The following ADAMTS2 variants were observed in gnomAD, a reference collection of about 807,000 sequenced individuals.
The protein encoded by ADAMTS2 is A disintegrin and metalloproteinase with thrombospondin motifs 2.
A neutral mutation model predicts 123.0 loss-of-function variants in ADAMTS2; 50 were observed. The observed-to-expected ratio is 0.41, with a 90% CI of 0.32 to 0.51. The LOEUF (loss-of-function observed/expected upper bound fraction) is 0.51, where lower values mean the gene tolerates loss of function less well. Among genes scored for constraint, ADAMTS2 ranks in the 20% least tolerant of loss-of-function variants. ADAMTS2 has a pLI of 0.35. For missense variants in ADAMTS2, 1,494 were observed against 1,705.2 expected (o/e 0.88, Z 2.18); for synonymous variants, 678 against 695.4 (o/e 0.98, Z 0.39).
chr5:179,322,047 G>A (rs1268516703), intron 2 of ADAMTS2, among the ~76,000 whole-genome samples: 1 of 152,244 alleles, frequency 6.6e-6, no homozygotes, highest in East Asian at 1.9e-4. Context: ...TTGTCATTAA[G>A]TATGTTTACA....
At chr5:179,235,606 A>C (rs1765505556) in intron 3 of ADAMTS2, among the ~76,000 whole-genome samples, 1 of 152,200 alleles carries the variant, frequency 6.6e-6, no homozygotes, top group Non-Finnish European at 1.5e-5. Context: ...ACCTAGTCCC[A>C]AGCATCTGAG....
intron 2 of ADAMTS2, among the ~76,000 whole-genome samples, chr5:179,298,095 G>A (rs1002507910): frequency 3.3e-5 from 5 of 152,074 alleles, no homozygotes; most frequent in African/African-American, 9.7e-5. Context: ...GGGTCCCCTC[G>A]TGCCACAGTG....
chr5:179,171,698 G>A (rs1763817209), intron 5 of ADAMTS2, among the ~76,000 whole-genome samples: 1 of 152,178 alleles, frequency 6.6e-6, no homozygotes, highest in Non-Finnish European at 1.5e-5. Context: ...GGCGGGGTAG[G>A]GCCAGGCAGA....
intron 21 of ADAMTS2, chr5:179,120,826 G>A (rs988612095): frequency 3.3e-5 from 5 of 152,150 alleles, no homozygotes; most frequent in Admixed American, 3.3e-4. Flanking sequence ...TGAACGCACC[G>A]GCTCCCCTAC....
chr5:179,273,214 G>C (rs1766595839), intron 2 of ADAMTS2, 150 bp from the exon 3 acceptor site: 1 of 1,286,278 alleles, frequency 7.8e-7, no homozygotes, highest in Admixed American at 1.8e-5. Flanking sequence ...GGGCTGGCCG[G>C]AGGGTATGAA....
At chr5:179,333,839 A>T (rs1023328529) in intron 2 of ADAMTS2, among the ~76,000 whole-genome samples, 3 of 152,002 alleles carry the variant, frequency 2.0e-5, no homozygotes, top group African/African-American at 7.3e-5. Context: ...ACCTCAAGTG[A>T]TCTGCCCGCC....
At chr5:179,123,006 A>G (rs1236951671) in intron 19 of ADAMTS2, among the ~76,000 whole-genome samples, 1 of 152,248 alleles carries the variant, frequency 6.6e-6, no homozygotes, top group Non-Finnish European at 1.5e-5. Context: ...GCTGTGAGAC[A>G]GTGCCCATAT....
chr5:179,210,545 C>T (rs1280362098), intron 3 of ADAMTS2, among the ~76,000 whole-genome samples: 1 of 152,262 alleles, frequency 6.6e-6, no homozygotes, highest in Non-Finnish European at 1.5e-5. Context: ...CACCCAGGAC[C>T]AGTGCCTAGA....
At chr5:179,325,665 C>T (rs1313038476) in intron 2 of ADAMTS2, among the ~76,000 whole-genome samples, 2 of 152,282 alleles carry the variant, frequency 1.3e-5, no homozygotes, top group African/African-American at 2.4e-5. Context: ...CTCGGGGAAC[C>T]TGGGCCTCTC....
intron 3 of ADAMTS2, among the ~76,000 whole-genome samples, chr5:179,223,654 A>C (rs1561814450): frequency 6.6e-6 from 1 of 150,624 alleles, no homozygotes; most frequent in Non-Finnish European, 1.5e-5. Flanking sequence ...ACATACACTC[A>C]CAGACGCACA....
In ADAMTS2 at chr5:179,155,210, A is replaced by G. The variant is rs1763445169; in HGVS notation, c.1133-291T>C. On this transcript the variant is annotated intron_variant, in intron 6 of 21. Transcript: ENST00000251582. This position sits in a 1 kb window ranked among gnomAD's most constrained non-coding sequence, Gnocchi z 5.1. ...TCTGCTTAGTCAGATGTCACCTGCT[A>G]TGGCTTGTCTGACACCTGACTTTCC... Among the ~76,000 whole-genome samples the G allele has an allele frequency of 6.6e-6, 1 of 152,188 alleles. No homozygotes were observed. Among genetic ancestry groups the G allele is most frequent in the South Asian group, 2.1e-4 (1 of 4,838 alleles).
At chr5:179,318,544 C>T (rs577029639) in intron 2 of ADAMTS2, among the ~76,000 whole-genome samples, 25 of 152,348 alleles carry the variant, frequency 1.6e-4, no homozygotes, top group African/African-American at 4.6e-4. Context: ...AAGCCAAGCA[C>T]ACGCAGAGGG....
At chr5:179,143,649 C>T (rs893812057) in intron 10 of ADAMTS2, among the ~76,000 whole-genome samples, 1 of 152,090 alleles carries the variant, frequency 6.6e-6, no homozygotes, top group African/African-American at 2.4e-5. Context: ...ATAAAAGCGC[C>T]AGAGGGAGCT....
chr5:179,178,324 C>T (rs1053840477), intron 5 of ADAMTS2, among the ~76,000 whole-genome samples: 3 of 128,760 alleles, frequency 2.3e-5, no homozygotes, highest in South Asian at 2.8e-4. Flanking sequence ...TGGGGCCCAC[C>T]CCCAGGCTCT....
At chr5:179,220,213 G>A (rs1223231135) in intron 3 of ADAMTS2, among the ~76,000 whole-genome samples, 2 of 152,198 alleles carry the variant, frequency 1.3e-5, no homozygotes, top group East Asian at 1.9e-4. Flanking sequence ...AGAACAAAAC[G>A]AAGATCCCCA....
chr5:179,122,509 C>T (rs1338121430), intron 20 of ADAMTS2, 135 bp downstream of exon 20: 18 of 1,335,344 alleles, frequency 1.3e-5, no homozygotes, highest in Middle Eastern at 2.6e-4. Flanking sequence ...TGCAGTGCCC[C>T]GCTTCTCCAT....
chr5:179,337,559 G>A (rs1265987032), intron 2 of ADAMTS2, among the ~76,000 whole-genome samples: 4 of 152,226 alleles, frequency 2.6e-5, no homozygotes, highest in Non-Finnish European at 2.9e-5. Flanking sequence ...TGCTGTGCCG[G>A]CAGCAACACA....
At chr5:179,273,523 C>T (rs1382962227) in intron 2 of ADAMTS2, among the ~76,000 whole-genome samples, 2 of 152,180 alleles carry the variant, frequency 1.3e-5, no homozygotes, top group Non-Finnish European at 2.9e-5. Flanking sequence ...AATCTGCCCA[C>T]ACACATGTTC....
rs766033559 is a variant in ADAMTS2 at position 179,122,705 on chromosome 5, G to A, written c.3027C>T (p.Phe1009=). 91 of 1,551,772 alleles carry A rather than the reference G, an allele frequency of 5.9e-5. 1 individual carries two copies. Among genetic ancestry groups the A allele is most frequent in the South Asian group, 3.8e-4 (32 of 84,120 alleles). The stretch of plus-strand genomic sequence containing the variant: ...CAGGACGCTCCTCCTGGCAGATGCC[G>A]AAGCTGTCGTCCGCGGTGCGGCAGA... The part of the protein sequence containing the change: ...PVLCRTADDS[F]GICQEERPET... The change falls in exon 20 of 22, where the codon TTC becomes TTT. Residue 1009 remains phenylalanine (F), a synonymous_variant. Coordinates refer to ENST00000251582, the MANE Select transcript of ADAMTS2 (RefSeq NM_014244.5).
Sources: allele counts gnomAD v4.1 joint callset (sites outside exome capture counted in the v4.1 genomes callset), GRCh38; gene constraint gnomAD v4.1.1; non-coding constraint Gnocchi (gnomAD v3.1); transcripts MANE v1.5; gene names NCBI Gene and HGNC (gene_info 2026-07-23, HGNC 2026-07-21).